Variants in MYO3A observed in about 807,000 individuals in gnomAD.
The protein encoded by MYO3A is myosin IIIA.
Under a neutral mutation model 192.7 loss-of-function variants are expected in MYO3A, and 180 were observed. The observed-to-expected ratio is 0.93, with a 90% confidence interval of 0.83 to 1.06. The LOEUF is 1.06. MYO3A is among the 50% of genes least tolerant of loss of function. The pLI is 0.00. For synonymous variants in MYO3A, 628 were observed against 645.3 expected (o/e 0.97, Z 0.41); for missense variants, 1,896 against 1,905.0 (o/e 1.00, Z 0.09).
At chr10:26,179,080 C>T (rs1842480336) in intron 31 of MYO3A, among the ~76,000 whole-genome samples, 1 of 144,790 alleles carries the variant, frequency 6.9e-6, no homozygotes, top group Admixed American at 7.0e-5. Context: ...TTACACCGTG[C>T]CCAGCCTAAT....
intron 6 of MYO3A, among the ~76,000 whole-genome samples, chr10:26,010,755 C>A (rs143487759): frequency 0.013 from 2,014 of 152,250 alleles, 35 homozygotes; most frequent in African/African-American, 0.045. Context: ...AGCCACCGCA[C>A]CCCGCCAAGA....
In MYO3A at chr10:26,070,184, A is replaced by G. The variant is rs1835117058; in HGVS notation, c.1244A>G (p.Tyr415Cys). 6.2e-7 allele frequency: 1 copy of G among 1,611,630 alleles called. No homozygotes were observed. ...ATTTTTGCAATGGCTGACTTAGGAT[A>G]TCAATCTATGATAACATATAATTCA... ...PHIFAMADLG[Y>C]QSMITYNSDQ... Residue 415 changes from tyrosine (Y) to cysteine (C), a missense_variant, in exon 13 of 35, where the codon TAT becomes TGT. Physicochemically the swap from Tyr to Cys is radical, Grantham distance 194. Transcript: ENST00000642920.
At position 26,174,281 on chromosome 10, in the gene MYO3A, G is replaced by A. The variant is rs769704723; in HGVS notation, c.4017G>A (p.Val1339=). The change falls in exon 30 of 35, where the codon GTG becomes GTA. Residue 1339 remains valine (V), a synonymous_variant. Transcript: ENST00000642920. The part of the protein sequence containing the change: ...ETVKERQVEP[V]TQAQEEEDKA... ...TCAAAGAGAGGCAAGTTGAACCAGT[G>A]ACACAGGCCCAGGAGGAAGAAGATA... 1 of 1,614,004 alleles carries A rather than the reference G, an allele frequency of 6.2e-7. No homozygotes were observed. The highest frequency in any genetic ancestry group is 2.2e-5 in the East Asian group (1 of 44,876).
At chr10:26,046,435 G>A (rs1034422623) in intron 10 of MYO3A, among the ~76,000 whole-genome samples, 2 of 152,166 alleles carry the variant, frequency 1.3e-5, no homozygotes, top group African/African-American at 2.4e-5. Context: ...CAACACTGGT[G>A]GCCCATGTTG....
At chr10:26,144,900 G>C (rs1397434287) in intron 21 of MYO3A, among the ~76,000 whole-genome samples, 1 of 152,182 alleles carries the variant, frequency 6.6e-6, no homozygotes, top group Non-Finnish European at 1.5e-5. Context: ...CCTCAGCCAG[G>C]TGCAGTGGCC....
intron 2 of MYO3A, among the ~76,000 whole-genome samples, chr10:25,937,104 A>G (rs1165296647): frequency 6.6e-6 from 1 of 151,876 alleles, no homozygotes; most frequent in Non-Finnish European, 1.5e-5. Flanking sequence ...ACTTACCGGT[A>G]TTTTCAAATT....
intron 10 of MYO3A, among the ~76,000 whole-genome samples, chr10:26,051,706 T>C (rs1354651459): frequency 6.6e-6 from 1 of 151,884 alleles, no homozygotes; most frequent in Non-Finnish European, 1.5e-5. Flanking sequence ...TTTCTCCAGA[T>C]TTTTTGCCTA....
intron 2 of MYO3A, among the ~76,000 whole-genome samples, chr10:25,949,067 G>A (rs1336767345): frequency 6.6e-6 from 1 of 151,810 alleles, no homozygotes; most frequent in Non-Finnish European, 1.5e-5. Context: ...TCTTTTCCTG[G>A]TCAGTTCAGA....
At chr10:26,026,982 G>A (rs547648469) in intron 10 of MYO3A, among the ~76,000 whole-genome samples, 1 of 152,176 alleles carries the variant, frequency 6.6e-6, no homozygotes, top group Admixed American at 6.5e-5. Flanking sequence ...TTACAGGCGT[G>A]ACAGGCTGCA....
At chr10:26,156,966 T>TTA (rs1464554628) in intron 25 of MYO3A, among the ~76,000 whole-genome samples, 5 of 152,202 alleles carry the variant, frequency 3.3e-5, no homozygotes, top group Non-Finnish European at 5.9e-5. Context: ...TTGTATAATA[T>TTA]TATAATTTGG....
At chr10:26,086,523 G>A (rs2131498048) in intron 14 of MYO3A, among the ~76,000 whole-genome samples, 1 of 152,078 alleles carries the variant, frequency 6.6e-6, no homozygotes, top group Non-Finnish European at 1.5e-5. Flanking sequence ...ATAATTGACT[G>A]GTTTTAGTAT....
intron 6 of MYO3A, among the ~76,000 whole-genome samples, chr10:26,008,822 A>T (rs1477296661): frequency 6.6e-6 from 1 of 151,974 alleles, no homozygotes; most frequent in Admixed American, 6.6e-5. Flanking sequence ...CAGTGTGGCG[A>T]TTCCTCAGGG....
At chr10:26,200,091 TGTAATTGATATCCTGCCCTTACA>T (rs1843615446) in intron 32 of MYO3A, among the ~76,000 whole-genome samples, 1 of 152,196 alleles carries the variant, frequency 6.6e-6, no homozygotes, top group East Asian at 1.9e-4. Context: ...AGAACAGGAA[TGTAATTGATATCCTGCCCTTACA>T]TTATTTCCTG....
chr10:26,163,010 C>T (rs1841555918), intron 26 of MYO3A, among the ~76,000 whole-genome samples: 1 of 152,306 alleles, frequency 6.6e-6, no homozygotes, highest in Non-Finnish European at 1.5e-5. Context: ...GTTACACATA[C>T]GAAGGCATAG....
At chr10:26,090,485 A>G (rs1407413061) in intron 15 of MYO3A, among the ~76,000 whole-genome samples, 2 of 152,212 alleles carry the variant, frequency 1.3e-5, no homozygotes, top group Non-Finnish European at 2.9e-5. Flanking sequence ...ATTGGGGAAA[A>G]GCATTCCAAA....
At chr10:25,990,430 C>T (rs1839940865) in intron 4 of MYO3A, among the ~76,000 whole-genome samples, 3 of 151,916 alleles carry the variant, frequency 2.0e-5, no homozygotes, top group South Asian at 4.2e-4. Flanking sequence ...CTTTTAAGCC[C>T]TAGATCCTAA....
At chr10:26,075,094 T>C (rs547159766) in intron 14 of MYO3A, among the ~76,000 whole-genome samples, 4 of 152,102 alleles carry the variant, frequency 2.6e-5, no homozygotes, top group Non-Finnish European at 5.9e-5. Flanking sequence ...ATTCCACTAG[T>C]TGATGTGTCT....
intron 4 of MYO3A, among the ~76,000 whole-genome samples, chr10:25,989,843 G>C (rs1032161505): frequency 6.6e-6 from 1 of 152,088 alleles, no homozygotes; most frequent in Non-Finnish European, 1.5e-5. Flanking sequence ...TCCCAAGCAG[G>C]TGGGAAAGGA....
intron 10 of MYO3A, among the ~76,000 whole-genome samples, chr10:26,043,587 T>G (rs917038707): frequency 2.0e-5 from 3 of 152,162 alleles, no homozygotes; most frequent in African/African-American, 7.2e-5. Flanking sequence ...CTTCACCCCA[T>G]GGTCACCACC....
Sources: allele counts gnomAD v4.1 joint callset (sites outside exome capture counted in the v4.1 genomes callset), GRCh38; gene constraint gnomAD v4.1.1; transcripts MANE v1.5; gene names NCBI Gene and HGNC (gene_info 2026-07-23, HGNC 2026-07-21).